The following PRKACB variants were observed in gnomAD, a reference collection of about 807,000 sequenced individuals.
The protein encoded by PRKACB is protein kinase cAMP-activated catalytic subunit beta.
A neutral mutation model predicts 51.4 loss-of-function variants in PRKACB; 16 were observed. The ratio of observed to expected loss-of-function variants is 0.31; its 90% CI spans 0.21 to 0.47. The LOEUF is 0.47. PRKACB is among the 20% of genes least tolerant of loss of function. The pLI, the probability that PRKACB is intolerant of heterozygous loss-of-function variation, is 1.00. For synonymous variants in PRKACB, 147 were observed against 154.4 expected (o/e 0.95, Z 0.35); for missense variants, 309 against 464.5 (o/e 0.67, Z 3.08).
chr1:84,081,206 G>A (rs2100736020), intron 1 of PRKACB, among the ~76,000 whole-genome samples: 1 of 152,242 alleles, frequency 6.6e-6, no homozygotes, highest in African/African-American at 2.4e-5. Context: ...ATGAAGTTAG[G>A]CATAAAGATA....
chr1:84,084,894 T>C (rs1002839978), intron 1 of PRKACB, among the ~76,000 whole-genome samples: 4 of 152,158 alleles, frequency 2.6e-5, no homozygotes, highest in African/African-American at 4.8e-5. Context: ...TTGTCTTTTA[T>C]CTCCCAGCCA....
chr1:84,214,492 ATT>A (rs200259148), intron 9 of PRKACB, among the ~76,000 whole-genome samples, 175 bp downstream of exon 9: 23,659 of 136,508 alleles, frequency 0.17, 1,858 homozygotes, highest in Middle Eastern at 0.25. Flanking sequence ...TCCCCCTAGA[ATT>A]TTTTTTTTTT....
At chr1:84,177,735 C>T (rs149803849) in intron 1 of PRKACB, among the ~76,000 whole-genome samples, 386 of 151,992 alleles carry the variant, frequency 2.5e-3, no homozygotes, top group African/African-American at 8.8e-3. Context: ...GAGCAAGACC[C>T]AGTCTTAAAA....
chr1:84,081,645 CT>C (rs1421041974), intron 1 of PRKACB, among the ~76,000 whole-genome samples: 4 of 152,064 alleles, frequency 2.6e-5, no homozygotes, highest in African/African-American at 9.7e-5. Flanking sequence ...CAGTCTCTTC[CT>C]TTTACACCAG....
At chr1:84,224,986 G>A (rs1391680750) in intron 9 of PRKACB, among the ~76,000 whole-genome samples, 2 of 152,158 alleles carry the variant, frequency 1.3e-5, no homozygotes, top group East Asian at 1.9e-4. Context: ...TGAGTCTTTC[G>A]TCATGCTTCT....
intron 1 of PRKACB, among the ~76,000 whole-genome samples, chr1:84,080,677 TTC>T (rs774014965): frequency 3.3e-5 from 5 of 152,186 alleles, no homozygotes; most frequent in Non-Finnish European, 5.9e-5. Context: ...TACCTAAATG[TTC>T]TGTGTATTTT....
intron 5 of PRKACB, among the ~76,000 whole-genome samples, chr1:84,195,551 T>G (rs1216715983): frequency 1.3e-5 from 2 of 152,264 alleles, no homozygotes; most frequent in Middle Eastern, 3.4e-3. Flanking sequence ...CTCAGAAAAT[T>G]GGTACATCCT....
At chr1:84,110,421 C>T (rs1650131100) in intron 1 of PRKACB, among the ~76,000 whole-genome samples, 1 of 151,564 alleles carries the variant, frequency 6.6e-6, no homozygotes, top group Non-Finnish European at 1.5e-5. Context: ...CCATAATGTT[C>T]AATTTCCTCT....
chr1:84,234,654 T>G (rs1458923172), intron 9 of PRKACB, among the ~76,000 whole-genome samples: 1 of 152,202 alleles, frequency 6.6e-6, no homozygotes, highest in East Asian at 1.9e-4. Flanking sequence ...AGCGCAGTAT[T>G]CGGGTGGGAG....
At chr1:84,141,208 T>A (rs1298579673), upstream of PRKACB, among the ~76,000 whole-genome samples, 4 of 152,126 alleles carry the variant, frequency 2.6e-5, no homozygotes, top group African/African-American at 9.7e-5. Flanking sequence ...CAAGATAAGC[T>A]ATTCTGGTAA....
At chr1:84,168,188 A>G (rs1384507452) in intron 1 of PRKACB, among the ~76,000 whole-genome samples, 2 of 151,660 alleles carry the variant, frequency 1.3e-5, no homozygotes, top group African/African-American at 2.4e-5. Flanking sequence ...GAGCTGTTCC[A>G]AAGAGTAGAA....
At chr1:84,196,861 G>A in intron 6 of PRKACB, 119 bp downstream of exon 6, 3 of 1,115,002 alleles carry the variant, frequency 2.7e-6, no homozygotes, top group Non-Finnish European at 3.8e-6. Flanking sequence ...AATAGTTTAA[G>A]TAGAGCTCAG....
chr1:84,166,118 T>G (rs958719552), intron 1 of PRKACB, among the ~76,000 whole-genome samples: 1 of 151,718 alleles, frequency 6.6e-6, no homozygotes, highest in African/African-American at 2.4e-5. Flanking sequence ...AGAATAATAT[T>G]AGATATTAAA....
At chr1:84,106,976 A>G (rs1223929855) in intron 1 of PRKACB, among the ~76,000 whole-genome samples, 1 of 152,092 alleles carries the variant, frequency 6.6e-6, no homozygotes, top group Non-Finnish European at 1.5e-5. Context: ...GGAGAGGTTC[A>G]GAAGAGAAAG....
intron 9 of PRKACB, among the ~76,000 whole-genome samples, chr1:84,222,103 G>A (rs1213371137): frequency 6.6e-6 from 1 of 151,990 alleles, no homozygotes; most frequent in Non-Finnish European, 1.5e-5. Context: ...ATATCTGTGT[G>A]CTCTAGTATT....
intron 5 of PRKACB, among the ~76,000 whole-genome samples, chr1:84,191,931 C>T (rs1666925333): frequency 6.6e-6 from 1 of 151,924 alleles, no homozygotes; most frequent in Admixed American, 6.6e-5. Context: ...CCCATTTATC[C>T]AAATAGAATT....
chr1:84,165,275 A>G (rs1657026296), intron 1 of PRKACB, among the ~76,000 whole-genome samples: 1 of 151,830 alleles, frequency 6.6e-6, no homozygotes, highest in Non-Finnish European at 1.5e-5. Context: ...TTTGTTGGGC[A>G]CTGTTATTAA....
At chr1:84,124,805 C>T (rs1651419216) in intron 1 of PRKACB, among the ~76,000 whole-genome samples, 1 of 152,154 alleles carries the variant, frequency 6.6e-6, no homozygotes, top group South Asian at 2.1e-4. Flanking sequence ...AGTTATGGGA[C>T]TACCTGGCTA....
intron 1 of PRKACB, among the ~76,000 whole-genome samples, chr1:84,119,260 A>G (rs79256887): frequency 0.017 from 2,576 of 152,244 alleles, 31 homozygotes; most frequent in Non-Finnish European, 0.026. Context: ...TTCAAATATC[A>G]TAGAAGAGCA....
Sources: allele counts gnomAD v4.1 joint callset (sites outside exome capture counted in the v4.1 genomes callset), GRCh38; gene constraint gnomAD v4.1.1; transcripts MANE v1.5; gene names NCBI Gene and HGNC (gene_info 2026-07-23, HGNC 2026-07-21).